LRP6: variants seen among roughly 807,000 people sequenced by gnomAD.
LRP6 encodes the protein LDL receptor related protein 6.
In LRP6, 43 loss-of-function variants were observed where a neutral mutation model predicts 184.1. The ratio of observed to expected loss-of-function variants is 0.23; its 90% confidence interval spans 0.18 to 0.30. The LOEUF (loss-of-function observed/expected upper bound fraction) is 0.30, where lower values mean the gene tolerates loss of function less well. Ranked by LOEUF, LRP6 falls within the 10% of genes least tolerant of loss-of-function variation. LRP6 has a pLI of 1.00. For synonymous variants in LRP6, 719 were observed against 684.9 expected, an observed-to-expected ratio of 1.05 and a Z score of -0.78; for missense variants, 1,571 against 2,005.3, an observed-to-expected ratio of 0.78 and a Z score of 4.14.
At chr12:12,154,040 T>C (rs34567442) in intron 12 of LRP6, among the ~76,000 whole-genome samples, 9,533 of 152,254 alleles carry the variant, frequency 0.063, 392 homozygotes, top group Middle Eastern at 0.18. Flanking sequence ...CTAAATCTGC[T>C]CAGAGGAAAC....
intron 15 of LRP6, among the ~76,000 whole-genome samples, chr12:12,141,202 A>T (rs1949929667): frequency 6.6e-6 from 1 of 151,884 alleles, no homozygotes; most frequent in South Asian, 2.1e-4. Context: ...GGGCTGGGGG[A>T]GGGAGAGTGG....
intron 1 of LRP6, among the ~76,000 whole-genome samples, chr12:12,250,568 C>CA (rs1172054183): frequency 6.6e-6 from 1 of 152,008 alleles, no homozygotes; most frequent in African/African-American, 2.4e-5. Flanking sequence ...ATTTTATCAT[C>CA]AATGCCTACT....
chr12:12,233,513 T>G (rs542334853), intron 2 of LRP6, among the ~76,000 whole-genome samples: 1 of 152,178 alleles, frequency 6.6e-6, no homozygotes, highest in Admixed American at 6.5e-5. Flanking sequence ...ATCTGGGATA[T>G]TCTATAGGAC....
intron 7 of LRP6, among the ~76,000 whole-genome samples, chr12:12,176,344 T>C (rs1022991487): frequency 1.3e-5 from 2 of 152,172 alleles, no homozygotes; most frequent in African/African-American, 4.8e-5. Flanking sequence ...CACCTACAGA[T>C]AGGTGGCCAC....
intron 17 of LRP6, among the ~76,000 whole-genome samples, chr12:12,134,106 T>A (rs1331416804): frequency 6.6e-6 from 1 of 152,180 alleles, no homozygotes; most frequent in Non-Finnish European, 1.5e-5. Context: ...ATTTATTTTT[T>A]AAAAAACTTA....
At chr12:12,230,932 C>G (rs1395798935) in intron 2 of LRP6, among the ~76,000 whole-genome samples, 1 of 151,950 alleles carries the variant, frequency 6.6e-6, no homozygotes, top group Non-Finnish European at 1.5e-5. Flanking sequence ...CCTGTAATCC[C>G]AGCACTTTGG....
intron 2 of LRP6, among the ~76,000 whole-genome samples, chr12:12,230,665 T>G (rs1029463321): frequency 6.6e-6 from 1 of 152,200 alleles, no homozygotes; most frequent in Admixed American, 6.5e-5. Context: ...CATGAAAGAA[T>G]AGACAATATT....
At chr12:12,174,767 A>G (rs974576019) in intron 7 of LRP6, among the ~76,000 whole-genome samples, 3 of 152,230 alleles carry the variant, frequency 2.0e-5, no homozygotes, top group Non-Finnish European at 4.4e-5. Flanking sequence ...ATGAAACAGA[A>G]CATTCAGCAA....
chr12:12,201,034 T>TTAAAA (rs1160775867), intron 3 of LRP6, among the ~76,000 whole-genome samples: 1 of 152,316 alleles, frequency 6.6e-6, no homozygotes, highest in East Asian at 1.9e-4. Context: ...TCCTGAACTT[T>TTAAAA]TAAAATAATG....
intron 3 of LRP6, among the ~76,000 whole-genome samples, chr12:12,200,735 T>A (rs1460510515): frequency 6.6e-6 from 1 of 152,198 alleles, no homozygotes; most frequent in Non-Finnish European, 1.5e-5. Context: ...TTGTCCTTTA[T>A]GGCAACCTTT....
intron 1 of LRP6, among the ~76,000 whole-genome samples, chr12:12,265,157 T>C (rs971150357): frequency 6.6e-6 from 1 of 152,188 alleles, no homozygotes; most frequent in Non-Finnish European, 1.5e-5. Context: ...ATGTCAAATA[T>C]AGTTGTTTCT....
At chr12:12,228,471 T>A (rs1789437095) in intron 2 of LRP6, among the ~76,000 whole-genome samples, 1 of 152,340 alleles carries the variant, frequency 6.6e-6, no homozygotes, top group African/African-American at 2.4e-5. Context: ...AATGAGTCTT[T>A]AGTCTCAGGA....
At chr12:12,240,065 A>G (rs1336197678) in intron 2 of LRP6, among the ~76,000 whole-genome samples, 1 of 151,752 alleles carries the variant, frequency 6.6e-6, no homozygotes, top group African/African-American at 2.4e-5. Flanking sequence ...GACACACACC[A>G]CGAGTTTGTT....
chr12:12,151,911 C>T (rs546084987), intron 12 of LRP6, among the ~76,000 whole-genome samples: 5 of 152,166 alleles, frequency 3.3e-5, no homozygotes, highest in Admixed American at 1.3e-4. Flanking sequence ...GCACTGAAAC[C>T]TTAATGGATT....
chr12:12,200,230 C>T (rs1449807464), intron 3 of LRP6, among the ~76,000 whole-genome samples: 4 of 152,148 alleles, frequency 2.6e-5, no homozygotes, highest in Non-Finnish European at 4.4e-5. Context: ...TGTGTTTCCA[C>T]GAGATTTTTT....
rs1322083754 is a variant in LRP6 at position 12,203,500 on chromosome 12, C to T, written c.450-100G>A. On this transcript the variant is annotated intron_variant, in intron 2 of 22. Transcript: ENST00000261349. Reference sequence around the variant, plus strand: ...AGAAAGCTCAGGCCGCGCGCAGTGGCTCACACTTGTAATCCCAGCACTCTG... The same window carrying T: ...AGAAAGCTCAGGCCGCGCGCAGTGGTTCACACTTGTAATCCCAGCACTCTG... The T allele has an allele frequency of 6.4e-6, 6 of 941,276 alleles. No homozygotes were observed. The East Asian group carries it at 1.3e-4, about 20-fold the overall frequency. 58.3% of individuals were successfully genotyped at this position (941,276 alleles called of 1,614,324 possible).
rs933236610 is a variant in LRP6 at position 12,120,868 on chromosome 12, A to G, written c.*258T>C. 9 of 325,898 alleles carry G rather than the reference A, an allele frequency of 2.8e-5. No homozygotes were observed. Among genetic ancestry groups the G allele is most frequent in the Non-Finnish European group, 4.5e-5 (8 of 179,586 alleles). 20.2% of individuals were successfully genotyped at this position (325,898 alleles called of 1,614,324 possible). A position where few individuals can be genotyped will look rare whatever the true frequency, so the allele number is the denominator to read the frequency against. ...GGCATGCTTTGTGTATTTAGTTTGC[A>G]AAAATAAAACTTTTAGTACAAATTT... On this transcript the variant is annotated 3_prime_UTR_variant, in exon 23 of 23. Transcript: ENST00000261349.
At chr12:12,202,344 A>G (rs1278236414) in intron 3 of LRP6, among the ~76,000 whole-genome samples, 1 of 152,214 alleles carries the variant, frequency 6.6e-6, no homozygotes, top group East Asian at 1.9e-4. Context: ...AGGGCATAAG[A>G]CCAGCCTGGG....
At chr12:12,266,606 C>G (rs1865771631) in intron 1 of LRP6, 75 bp downstream of exon 1, 1 of 1,247,896 alleles carries the variant, frequency 8.0e-7, no homozygotes, top group Non-Finnish European at 1.2e-6. Context: ...CGTCCCTCCC[C>G]TCCCCCTAGA....
Sources: gnomAD v4.1 joint callset for allele counts (sites outside exome capture counted in the v4.1 genomes callset) on GRCh38, gnomAD v4.1.1 for gene constraint, MANE v1.5 for transcripts, NCBI Gene and HGNC (gene_info 2026-07-23, HGNC 2026-07-21) for gene names.